The following LDLRAD4 variants were observed in gnomAD, a reference collection of about 807,000 sequenced individuals.
The protein encoded by LDLRAD4 is low-density lipoprotein receptor class A domain-containing protein 4.
LDLRAD4 carries 5 observed loss-of-function variants against 17.0 expected under a neutral mutation model. The ratio of observed to expected loss-of-function variants is 0.29; its 90% CI spans 0.15 to 0.62. The LOEUF (loss-of-function observed/expected upper bound fraction) is 0.62, where lower values mean the gene tolerates loss of function less well. LDLRAD4 is among the 20% of genes least tolerant of loss of function. LDLRAD4 has a pLI of 0.84. For synonymous variants in LDLRAD4, 168 were observed against 171.8 expected (o/e 0.98, Z 0.17); for missense variants, 340 against 424.7 (o/e 0.80, Z 1.75).
intron 1 of LDLRAD4, among the ~76,000 whole-genome samples, chr18:13,234,066 A>G (rs909193826): frequency 3.9e-5 from 6 of 152,152 alleles, no homozygotes; most frequent in African/African-American, 1.4e-4. Context: ...TCCCAATATG[A>G]TCACTTTTCA....
At chr18:13,403,527 C>G (rs1312084314) in intron 2 of LDLRAD4, among the ~76,000 whole-genome samples, 2 of 152,248 alleles carry the variant, frequency 1.3e-5, no homozygotes, top group East Asian at 1.9e-4. Flanking sequence ...ATTGTGAAAC[C>G]CACAACGCTG....
chr18:13,521,154 T>C (rs2093947358), intron 3 of LDLRAD4: 1 of 152,172 alleles, frequency 6.6e-6, no homozygotes, highest in Admixed American at 6.5e-5. Context: ...ATATGTCCCA[T>C]GAAGGGCAGT....
chr18:13,371,948 A>T (rs1167865599), intron 1 of LDLRAD4, among the ~76,000 whole-genome samples: 1 of 152,138 alleles, frequency 6.6e-6, no homozygotes, highest in Non-Finnish European at 1.5e-5. Context: ...CATTAGGTTT[A>T]CCCTGCTTTT....
intron 1 of LDLRAD4, among the ~76,000 whole-genome samples, chr18:13,342,806 A>G (rs969564149): frequency 2.6e-5 from 4 of 151,578 alleles, no homozygotes; most frequent in Admixed American, 2.6e-4. Context: ...CATTCTACCA[A>G]CCTACAGCTT....
chr18:13,305,913 A>C (rs993590996), intron 1 of LDLRAD4, among the ~76,000 whole-genome samples: 2 of 152,248 alleles, frequency 1.3e-5, no homozygotes, highest in African/African-American at 4.8e-5. Flanking sequence ...GATTTGAGAA[A>C]AAGCAAAGTC....
At chr18:13,319,833 G>C (rs919623125) in intron 1 of LDLRAD4, among the ~76,000 whole-genome samples, 1 of 152,106 alleles carries the variant, frequency 6.6e-6, no homozygotes, top group Non-Finnish European at 1.5e-5. Flanking sequence ...CAATATTTCC[G>C]GGAACAGTTG....
At chr18:13,501,442 G>A (rs1412116244) in intron 3 of LDLRAD4, among the ~76,000 whole-genome samples, 1 of 152,148 alleles carries the variant, frequency 6.6e-6, no homozygotes, top group Non-Finnish European at 1.5e-5. Context: ...AGTACCTGCC[G>A]ACGGCTGCAT....
At chr18:13,564,699 C>CA (rs1491101972) in intron 3 of LDLRAD4, among the ~76,000 whole-genome samples, 3 of 102,610 alleles carry the variant, frequency 2.9e-5, no homozygotes, top group Non-Finnish European at 4.7e-5. Flanking sequence ...TCTGCGCTGC[C>CA]GCCCCCCTTC....
chr18:13,534,592 G>T (rs993732301), intron 3 of LDLRAD4, among the ~76,000 whole-genome samples: 2 of 152,150 alleles, frequency 1.3e-5, no homozygotes, highest in Non-Finnish European at 2.9e-5. Context: ...ATAGAAGAGA[G>T]AGAGGCTGCA....
In LDLRAD4 at chr18:13,645,299, C is replaced by G. The variant is rs777740641; in HGVS notation, c.563C>G (p.Thr188Ser). ...CCACCTCCTTACCAGGGGCCCTGCA[C>G]CCTGCAGCTCCGGGACCCTGAACAG... The change falls in exon 6 of 6, where the codon ACC becomes AGC. Residue 188 changes from threonine (T) to serine (S), a missense_variant. Transcript: ENST00000359446. The surrounding 1 kb of genome is among the most constrained non-coding windows in gnomAD (Gnocchi z 5.7). 2 of 1,614,234 alleles carry G rather than the reference C, an allele frequency of 1.2e-6. No homozygotes were observed. Among genetic ancestry groups the G allele is most frequent in the Admixed American group, 3.3e-5 (2 of 60,032 alleles).
chr18:13,423,763 T>C (rs1162725774), intron 2 of LDLRAD4: 1 of 152,570 alleles, frequency 6.6e-6, no homozygotes, highest in Non-Finnish European at 1.5e-5. Flanking sequence ...GCAACCTGTG[T>C]TCATTGAAAT....
intron 3 of LDLRAD4, among the ~76,000 whole-genome samples, chr18:13,545,588 G>A (rs1427688796): frequency 6.6e-6 from 1 of 152,072 alleles, no homozygotes; most frequent in Non-Finnish European, 1.5e-5. Context: ...AGTAGCTCTG[G>A]TTACTCTTCC....
chr18:13,586,760 C>T (rs1601563282), intron 3 of LDLRAD4, among the ~76,000 whole-genome samples: 1 of 151,764 alleles, frequency 6.6e-6, no homozygotes, highest in South Asian at 2.1e-4. Context: ...TGGTGGCGCA[C>T]ACCTGTAATC....
At position 13,596,863 on chromosome 18, in the gene LDLRAD4, A is replaced by G. The variant is rs148394822; in HGVS notation, c.182-24254A>G. On this transcript the variant is annotated intron_variant, in intron 3 of 5. Coordinates refer to ENST00000359446, the Ensembl canonical transcript of LDLRAD4. ...TCCTCTGTGTTGTCATCATGAAATA[A>G]ATTACATTTCTACATGTTATTGGGC... is the stretch of plus-strand genomic sequence containing the variant. 8.7e-4 allele frequency among the ~76,000 whole-genome samples: 132 copies of G among 152,320 alleles called. 1 individual carries two copies. Among genetic ancestry groups the G allele is most frequent in the African/African-American group, 2.9e-3 (122 of 41,578 alleles).
At chr18:13,527,909 A>C (rs1049044739) in intron 3 of LDLRAD4, among the ~76,000 whole-genome samples, 3 of 152,078 alleles carry the variant, frequency 2.0e-5, no homozygotes, top group African/African-American at 7.2e-5. Context: ...ATGGACACCC[A>C]TTCTCAAAGC....
rs545922192 is a variant in LDLRAD4, at chr18:13,551,631, A to G, written c.182-69486A>G. Among the ~76,000 whole-genome samples, 32 of 152,142 alleles carry G rather than the reference A, an allele frequency of 2.1e-4. 1 individual carries two copies. The highest frequency in any genetic ancestry group is 9.8e-4 in the Admixed American group (15 of 15,296). ...ATCACAGAGTGTGCCATGGTGGGGT[A>G]GGAGGGCGGCCAACAGGGACAGAGG... On this transcript the variant is annotated intron_variant, in intron 3 of 5. Transcript: ENST00000359446.
At chr18:13,555,215 A>G (rs2094472378) in intron 3 of LDLRAD4, among the ~76,000 whole-genome samples, 1 of 152,236 alleles carries the variant, frequency 6.6e-6, no homozygotes, top group East Asian at 1.9e-4. Context: ...GAAAAGGGAC[A>G]TTAGGTGAAA....
At chr18:13,439,101 G>A (rs1365278273) in intron 3 of LDLRAD4, among the ~76,000 whole-genome samples, 4 of 152,174 alleles carry the variant, frequency 2.6e-5, no homozygotes, top group South Asian at 2.1e-4. Context: ...TGGGAAGAGC[G>A]TTGGCCGGGC....
chr18:13,256,967 C>T (rs1244216872), intron 1 of LDLRAD4, among the ~76,000 whole-genome samples: 2 of 152,224 alleles, frequency 1.3e-5, no homozygotes, highest in African/African-American at 4.8e-5. Flanking sequence ...TTTCCTTAAA[C>T]ATTTCTCTTG....
Sources: allele counts gnomAD v4.1 joint callset (sites outside exome capture counted in the v4.1 genomes callset), GRCh38; gene constraint gnomAD v4.1.1; non-coding constraint Gnocchi (gnomAD v3.1); transcripts MANE v1.5; gene names NCBI Gene and HGNC (gene_info 2026-07-23, HGNC 2026-07-21).